SH3TC2: variants seen among roughly 807,000 people sequenced by gnomAD.
SH3TC2 encodes the protein SH3 domain and tetratricopeptide repeats 2, also known as SH3 domain and tetratricopeptide repeat-containing protein 2.
SH3TC2 carries 87 observed loss-of-function variants against 124.5 expected under a neutral mutation model. The observed-to-expected ratio is 0.70, with a 90% CI of 0.59 to 0.84. The LOEUF is 0.84. SH3TC2 is among the 40% of genes least tolerant of loss of function. The pLI is 0.00. For missense variants in SH3TC2, 1,536 were observed against 1,566.4 expected, an observed-to-expected ratio of 0.98 and a Z score of 0.33; for synonymous variants, 634 against 628.5, an observed-to-expected ratio of 1.01 and a Z score of -0.13.
chr5:149,023,275 T>C (rs1257604737), intron 12 of SH3TC2, among the ~76,000 whole-genome samples: 2 of 152,212 alleles, frequency 1.3e-5, no homozygotes, highest in African/African-American at 2.4e-5. Flanking sequence ...CATAGTGTGA[T>C]AAAATGTTGG....
At position 148,991,885 on chromosome 5, in the gene SH3TC2, G is replaced by A. The variant is rs576816749; in HGVS notation, c.*12826C>T. On this transcript the variant is annotated 3_prime_UTR_variant, in exon 17 of 17. Coordinates refer to ENST00000515425, the MANE Select transcript of SH3TC2 (RefSeq NM_024577.4). The stretch of plus-strand genomic sequence containing the variant: ...AGGTGAGCCTCCTCTTGCACTGGAA[G>A]CTGGTATGCTGATGATGTCATGGTG... Among the ~76,000 whole-genome samples the A allele has an allele frequency of 6.6e-6, 1 of 152,306 alleles. No individual in the cohort carries two copies. The highest frequency in any genetic ancestry group is 2.4e-5 in the African/African-American group (1 of 41,568).
At position 148,995,818 on chromosome 5, in the gene SH3TC2, A is replaced by G. The variant is rs1329929234; in HGVS notation, c.*8893T>C. Among the ~76,000 whole-genome samples, 1 of 152,224 alleles carries G rather than the reference A, an allele frequency of 6.6e-6. No individual in the cohort carries two copies. Among genetic ancestry groups the G allele is most frequent in the Non-Finnish European group, 1.5e-5 (1 of 68,050 alleles). On this transcript the variant is annotated 3_prime_UTR_variant, in exon 17 of 17. Transcript: ENST00000515425. ...GGAACTTCTAATCTAGGTGGTGCAC[A>G]TGGATTATTAAAATAAAAAAACTCA... is the stretch of plus-strand genomic sequence containing the variant.
In SH3TC2 at chr5:148,984,713, T is replaced by C. The variant is rs1753306480; in HGVS notation, c.*19998A>G. 2.0e-5 allele frequency among the ~76,000 whole-genome samples: 3 copies of C among 152,152 alleles called. 1 individual carries two copies. Among genetic ancestry groups the C allele is most frequent in the South Asian group, 2.1e-4 (1 of 4,830 alleles). ...CACATTTGCTTAGATGTTTAGTGGG[T>C]ATTCCAACCCTCAAAGAGCTGTGCT... On this transcript the variant is annotated 3_prime_UTR_variant, in exon 17 of 17. Coordinates refer to ENST00000515425, the MANE Select transcript of SH3TC2 (RefSeq NM_024577.4).
intron 16 of SH3TC2, 64 bp downstream of exon 16, chr5:149,006,817 T>C: frequency 5.9e-6 from 9 of 1,519,878 alleles, no homozygotes; most frequent in Non-Finnish European, 8.2e-6. Context: ...CTCATTGTCT[T>C]TGAGTCAGGA....
At chr5:149,059,474 C>A (rs564164582) in intron 1 of SH3TC2, among the ~76,000 whole-genome samples, 2 of 152,068 alleles carry the variant, frequency 1.3e-5, no homozygotes, top group Non-Finnish European at 2.9e-5. Flanking sequence ...AAACATTTAT[C>A]TGCATGTTTT....
chr5:149,042,349 T>C (rs1452757026), intron 5 of SH3TC2, among the ~76,000 whole-genome samples: 5 of 152,242 alleles, frequency 3.3e-5, no homozygotes, highest in Non-Finnish European at 4.4e-5. Context: ...TTCTCGATTT[T>C]GGGTAGACAT....
intron 7 of SH3TC2, among the ~76,000 whole-genome samples, chr5:149,040,128 C>A (rs941508068): frequency 2.6e-5 from 4 of 151,938 alleles, no homozygotes; most frequent in Admixed American, 2.0e-4. Flanking sequence ...TTCATTTATT[C>A]AACAAATTTT....
chr5:149,007,210 A>C, intron 15 of SH3TC2, 133 bp from the exon 16 acceptor site: 1 of 792,482 alleles, frequency 1.3e-6, no homozygotes, highest in Non-Finnish European at 2.2e-6. Flanking sequence ...GAAATAAGAC[A>C]GAAGAGGTGC....
chr5:149,020,113 A>AACACACACACACACACACACAC lies in SH3TC2; in HGVS notation c.3053+6437_3053+6458dup, dbSNP rs56088659. Among the ~76,000 whole-genome samples, 114 of 146,910 alleles carry AACACACACACACACACACACAC rather than the reference A, an allele frequency of 7.8e-4. 1 individual carries two copies. Among genetic ancestry groups the AACACACACACACACACACACAC allele is most frequent in the South Asian group, 3.3e-3 (15 of 4,528 alleles). On this transcript the variant is annotated intron_variant, in intron 12 of 16. Coordinates refer to ENST00000515425, the MANE Select transcript of SH3TC2 (RefSeq NM_024577.4). ...ATGTGGAGCAAACAAGAAAAGGTCA[A>AACACACACACACACACACACAC]ACACACACACACACACACACACACA...
chr5:148,991,012 T>G lies in SH3TC2; in HGVS notation c.*13699A>C, dbSNP rs368510942. On this transcript the variant is annotated 3_prime_UTR_variant, in exon 17 of 17. Coordinates refer to ENST00000515425, the MANE Select transcript of SH3TC2 (RefSeq NM_024577.4). ...GTCCCAGCCAAGTTCACAAACTTCA[T>G]TTCCCAAAACCCAGAATTAGATCAC... 6.6e-6 allele frequency among the ~76,000 whole-genome samples: 1 copy of G among 152,152 alleles called. No individual in the cohort carries two copies. The highest frequency in any genetic ancestry group is 2.1e-4 in the South Asian group (1 of 4,826).
chr5:149,050,491 C>A (rs1199721581), intron 2 of SH3TC2, among the ~76,000 whole-genome samples: 2 of 152,168 alleles, frequency 1.3e-5, no homozygotes, highest in Non-Finnish European at 2.9e-5. Context: ...TCAGTTTCAC[C>A]TACAGATACC....
chr5:148,989,705 A>G lies in SH3TC2; in HGVS notation c.*15006T>C, dbSNP rs1227408692. ...AAATCTTATGCCATTCTTCCAGAAC[A>G]TGAATACTGGAACCACTCATTCAAG... On this transcript the variant is annotated 3_prime_UTR_variant, in exon 17 of 17. Coordinates refer to ENST00000515425, the MANE Select transcript of SH3TC2 (RefSeq NM_024577.4). Among the ~76,000 whole-genome samples, 1 of 152,216 alleles carries G rather than the reference A, an allele frequency of 6.6e-6. No individual in the cohort carries two copies. Among genetic ancestry groups the G allele is most frequent in the Non-Finnish European group, 1.5e-5 (1 of 68,046 alleles).
intron 1 of SH3TC2, among the ~76,000 whole-genome samples, chr5:149,058,060 T>C (rs1331616164): frequency 1.3e-5 from 2 of 152,132 alleles, no homozygotes; most frequent in East Asian, 3.9e-4. Flanking sequence ...GTCCAACCCA[T>C]AAAAACAGAG....
intron 1 of SH3TC2, among the ~76,000 whole-genome samples, chr5:149,055,357 T>C (rs936623251): frequency 3.3e-5 from 5 of 151,826 alleles, no homozygotes; most frequent in African/African-American, 1.2e-4. Context: ...ACCAGAAAAA[T>C]GGGCAAAAGG....
Position 149,027,423 on chromosome 5 carries a change from T to C in SH3TC2, c.2309A>G (p.His770Arg), listed in dbSNP as rs926165676. 3 of 1,614,014 alleles carry C rather than the reference T, an allele frequency of 1.9e-6. No individual in the cohort carries two copies. The highest frequency in any genetic ancestry group is 1.7e-5 in the Admixed American group (1 of 60,012). Residue 770 changes from histidine to arginine, a missense_variant, in exon 11 of 17, where the codon CAC becomes CGC. This residue lies in a region of SH3TC2 where 1,102 missense variants were observed against 1,098.6 expected (regional missense o/e 1.00). Coordinates refer to ENST00000515425, the MANE Select transcript of SH3TC2 (RefSeq NM_024577.4). ...GTGGATGGCACCGTCAGGAGACCTG[T>C]GCTCGAGGTACACTTTGGAAAGGAT... ...CLILSKVYLE[H>R]RSPDGAIHYL...
Position 149,027,712 on chromosome 5 carries a change from T to C in SH3TC2, c.2020A>G (p.Ser674Gly). The part of the protein sequence containing the change: ...GHPPASEAVA[S>G]VLSFLYDKKY... ...TTGTCATACAGAAAACTCAAAACAC[T>C]GGCCACAGCCTCAGAGGCAGGAGGG... The change falls in exon 11 of 17, where the codon AGT (serine) becomes GGT (glycine). Residue 674 changes from serine (S) to glycine (G), a missense_variant. By Grantham distance (56) the Ser-to-Gly change is moderately conservative. Around this residue, in one of 3 missense-constraint regions of SH3TC2, gnomAD observed 1,102 missense variants for 1,098.6 expected, o/e 1.00. Coordinates refer to ENST00000515425, the MANE Select transcript of SH3TC2 (RefSeq NM_024577.4). The C allele has an allele frequency of 6.2e-7, 1 of 1,614,042 alleles. No homozygotes were observed. Among genetic ancestry groups the C allele is most frequent in the East Asian group, 2.2e-5 (1 of 44,870 alleles).
chr5:149,041,641 G>A (rs1580910081), intron 5 of SH3TC2, 24 bp from the exon 6 acceptor site: 1 of 1,611,942 alleles, frequency 6.2e-7, no homozygotes, highest in Middle Eastern at 1.7e-4. Context: ...GAAAAGCAAT[G>A]GCTTTCTAAG....
In SH3TC2 at chr5:148,983,352, T is replaced by C. The variant is rs1452480764; in HGVS notation, c.*21359A>G. On this transcript the variant is annotated 3_prime_UTR_variant, in exon 17 of 17. Coordinates refer to ENST00000515425, the MANE Select transcript of SH3TC2 (RefSeq NM_024577.4). The stretch of plus-strand genomic sequence containing the variant: ...ATGAATACACCTGTGGCCTAAGATA[T>C]GGTAATGGAGGGAACAGACCAGGTT... 6.6e-6 allele frequency among the ~76,000 whole-genome samples: 1 copy of C among 152,130 alleles called. No homozygotes were observed. Among genetic ancestry groups the C allele is most frequent in the Non-Finnish European group, 1.5e-5 (1 of 68,028 alleles).
At chr5:149,012,519 G>C in intron 13 of SH3TC2, 65 bp downstream of exon 13, 1 of 1,597,388 alleles carries the variant, frequency 6.3e-7, no homozygotes, top group East Asian at 2.2e-5. Context: ...TTGATTTGGA[G>C]GGTACAGCTG....
Sources: gnomAD v4.1 joint callset for allele counts (sites outside exome capture counted in the v4.1 genomes callset) on GRCh38, gnomAD v4.1.1 for gene constraint, gnomAD v4.1.1 regional missense constraint, MANE v1.5 for transcripts, NCBI Gene and HGNC (gene_info 2026-07-23, HGNC 2026-07-21) for gene names.